The following CALY variants were observed in gnomAD, a reference collection of about 807,000 sequenced individuals.
CALY encodes the protein calcyon neuron specific vesicular protein.
Under a neutral mutation model 20.2 loss-of-function variants are expected in CALY, and 15 were observed. The observed-to-expected ratio is 0.74, with a 90% CI of 0.50 to 1.14. CALY has a LOEUF of 1.14. Ranked by LOEUF, CALY falls within the 50% of genes most tolerant of loss-of-function variation. The probability of loss-of-function intolerance (pLI) is 0.00; values close to 1 mark genes in which losing one functional copy is unlikely to be tolerated. For missense variants in CALY, 270 were observed against 304.4 expected, an observed-to-expected ratio of 0.89 and a Z score of 0.84; for synonymous variants, 129 against 131.8, an observed-to-expected ratio of 0.98 and a Z score of 0.15.
chr10:133,331,617 C>T (rs933552511), intron 1 of CALY, among the ~76,000 whole-genome samples: 1 of 152,132 alleles, frequency 6.6e-6, no homozygotes, highest in Non-Finnish European at 1.5e-5. Flanking sequence ...GAAACACTGT[C>T]GACAGAGACC....
At chr10:133,330,759 A>G (rs1247255445) in intron 1 of CALY, among the ~76,000 whole-genome samples, 1 of 150,192 alleles carries the variant, frequency 6.7e-6, no homozygotes, top group African/African-American at 2.5e-5. Flanking sequence ...TTTACAGGGA[A>G]AGTAATGCAC....
chr10:133,324,285 CCTGG>C lies in CALY; in HGVS notation c.*1306_*1309del, dbSNP rs770296937. On this transcript the variant is annotated 3_prime_UTR_variant, in exon 6 of 6. Transcript: ENST00000252939. ...CATGGCCCTGCCTTCCCTGACCCCA[CCTGG>C]CTGGCTTCCAGCTCACCATGGCTTC... 16 of 453,550 alleles carry C rather than the reference CCTGG, an allele frequency of 3.5e-5. No homozygotes were observed. The highest frequency in any genetic ancestry group is 2.3e-4 in the South Asian group (15 of 64,312). 28.1% of individuals were successfully genotyped at this position (453,550 alleles called of 1,614,324 possible).
chr10:133,331,055 C>T (rs751586574), intron 1 of CALY, among the ~76,000 whole-genome samples: 10 of 152,180 alleles, frequency 6.6e-5, no homozygotes, highest in Non-Finnish European at 1.2e-4. Context: ...AATGAAAAAG[C>T]GTTATCTGAT....
chr10:133,326,352 C>A, intron 4 of CALY: 1 of 1,271,028 alleles, frequency 7.9e-7, no homozygotes, highest in Non-Finnish European at 1.1e-6. Flanking sequence ...GCGCAGACAC[C>A]AGTGGACCTG....
At chr10:133,333,593 C>G (rs1294908615) in intron 1 of CALY, among the ~76,000 whole-genome samples, 1 of 146,818 alleles carries the variant, frequency 6.8e-6, no homozygotes, top group East Asian at 2.1e-4. Flanking sequence ...TGGGAAGGGT[C>G]GGAGAGCGGA....
Position 133,324,294 on chromosome 10 carries a change from C to T in CALY, c.*1301G>A, listed in dbSNP as rs1185636672. The stretch of plus-strand genomic sequence containing the variant: ...GCCTTCCCTGACCCCACCTGGCTGG[C>T]TTCCAGCTCACCATGGCTTCCCTGG... On this transcript the variant is annotated 3_prime_UTR_variant, in exon 6 of 6. Coordinates refer to ENST00000252939, the MANE Select transcript of CALY (RefSeq NM_015722.4). 1 of 454,394 alleles carries T rather than the reference C, an allele frequency of 2.2e-6. No individual in the cohort carries two copies. Among genetic ancestry groups the T allele is most frequent in the Admixed American group, 2.4e-5 (1 of 42,498 alleles). 28.1% of individuals were successfully genotyped at this position (454,394 alleles called of 1,614,324 possible). A position where few individuals can be genotyped will look rare whatever the true frequency, so the allele number is the denominator to read the frequency against.
At chr10:133,335,153 G>A (rs1375052884) in intron 1 of CALY, among the ~76,000 whole-genome samples, 3 of 152,156 alleles carry the variant, frequency 2.0e-5, no homozygotes, top group Non-Finnish European at 2.9e-5. Flanking sequence ...GCCAGCGCCG[G>A]GGCTTGAGGT....
chr10:133,335,366 AC>A (rs917925410), intron 1 of CALY, among the ~76,000 whole-genome samples: 1 of 152,032 alleles, frequency 6.6e-6, no homozygotes, highest in African/African-American at 2.4e-5. Context: ...CTCCGCCCGA[AC>A]CCCCGCTCGG....
chr10:133,332,492 T>C (rs1848325709), intron 1 of CALY, among the ~76,000 whole-genome samples: 2 of 152,184 alleles, frequency 1.3e-5, no homozygotes, highest in Admixed American at 6.5e-5. Flanking sequence ...TAAAAGGAAA[T>C]ATTGATAAAA....
chr10:133,332,052 G>C (rs1392788076), intron 1 of CALY, among the ~76,000 whole-genome samples: 1 of 151,968 alleles, frequency 6.6e-6, no homozygotes, highest in Non-Finnish European at 1.5e-5. Context: ...CCTTGAACCT[G>C]GGAGGCAGAG....
In CALY at chr10:133,326,078, C is replaced by T; in HGVS notation, c.403G>A (p.Glu135Lys). 2.5e-6 allele frequency: 4 copies of T among 1,598,488 alleles called. No homozygotes were observed. The highest frequency in any genetic ancestry group is 3.4e-6 in the Non-Finnish European group (4 of 1,170,292). The change falls in exon 5 of 6, where the codon GAG (glutamate) becomes AAG (lysine). Residue 135 changes from glutamate (E) to lysine (K), a missense_variant. Transcript: ENST00000252939. ...CTGCGGTGGCGCTCGGGGTCCATCT[C>T]CGTGTAGTACATCTCCAGGGTCAGC... is the stretch of plus-strand genomic sequence containing the variant. Reference protein sequence around the residue: ...TPLTLEMYYTEMDPERHRSIL... With the variant: ...TPLTLEMYYTKMDPERHRSIL...
chr10:133,330,911 G>A (rs964919631), intron 1 of CALY, among the ~76,000 whole-genome samples: 3 of 152,128 alleles, frequency 2.0e-5, no homozygotes, highest in East Asian at 1.9e-4. Flanking sequence ...CCACTGCGAG[G>A]CCCCAAAGCT....
Position 133,329,392 on chromosome 10 carries a change from C to CTTTTTTTTTTTTTTTTTT in CALY, c.-20-384_-20-383insAAAAAAAAAAAAAAAAAA, listed in dbSNP as rs112012967. On this transcript the variant is annotated intron_variant, in intron 1 of 5. Coordinates refer to ENST00000252939, the MANE Select transcript of CALY (RefSeq NM_015722.4). The stretch of plus-strand genomic sequence containing the variant: ...TCTTATTCTCCTTCTTCTTCTTCTT[C>CTTTTTTTTTTTTTTTTTT]TTTTTTTTTTTTGAGACAGGATCTT... 9.2e-4 allele frequency among the ~76,000 whole-genome samples: 127 copies of CTTTTTTTTTTTTTTTTTT among 137,398 alleles called. 1 individual carries two copies. Among genetic ancestry groups the CTTTTTTTTTTTTTTTTTT allele is most frequent in the Middle Eastern group, 3.7e-3 (1 of 272 alleles). 90.1% of individuals were successfully genotyped at this position (137,398 alleles called of 152,430 possible). A position where few individuals can be genotyped will look rare whatever the true frequency, so the allele number is the denominator to read the frequency against.
intron 1 of CALY, among the ~76,000 whole-genome samples, chr10:133,331,436 T>A (rs1407455944): frequency 6.6e-6 from 1 of 152,218 alleles, no homozygotes. Flanking sequence ...TTGTTGGATT[T>A]AAGGTATTCA....
At chr10:133,331,607 G>C (rs1848310051) in intron 1 of CALY, among the ~76,000 whole-genome samples, 1 of 152,182 alleles carries the variant, frequency 6.6e-6, no homozygotes, top group Admixed American at 6.6e-5. Flanking sequence ...TGGAATCCAG[G>C]AAACACTGTC....
At chr10:133,333,286 A>AG (rs1303822299) in intron 1 of CALY, among the ~76,000 whole-genome samples, 3 of 17,608 alleles carry the variant, frequency 1.7e-4, no homozygotes, top group Non-Finnish European at 3.4e-4. Flanking sequence ...AGAAGGATTG[A>AG]GGGGGTGGGG....
At chr10:133,335,284 G>A (rs116007445) in intron 1 of CALY, among the ~76,000 whole-genome samples, 9,626 of 152,174 alleles carry the variant, frequency 0.063, 427 homozygotes, top group African/African-American at 0.12. Context: ...GCGGAGAAGG[G>A]GGCGCAGTCC....
intron 1 of CALY, among the ~76,000 whole-genome samples, chr10:133,333,132 A>G (rs1262269991): frequency 6.6e-6 from 1 of 151,878 alleles, no homozygotes; most frequent in Admixed American, 6.6e-5. Flanking sequence ...CCACGGGAAC[A>G]GGAGCAAGGG....
Position 133,325,968 on chromosome 10 carries a change from T to G in CALY, c.513A>C (p.Ala171=). Residue 171 remains alanine, a synonymous_variant, in exon 5 of 6, where the codon GCA becomes GCC. Coordinates refer to ENST00000252939, the MANE Select transcript of CALY (RefSeq NM_015722.4). Reference sequence around the variant, plus strand: ...TGGGCCCCTTGCGCTCCTCCTTGGCTGCGCGGTAGCCGTCCCCCCAGGCCG... The same window carrying G: ...TGGGCCCCTTGCGCTCCTCCTTGGCGGCGCGGTAGCCGTCCCCCCAGGCCG... ...TPAAWGDGYR[A]AKEERKGPTQ... The G allele has an allele frequency of 6.5e-7, 1 of 1,541,932 alleles. No individual in the cohort carries two copies. Among genetic ancestry groups the G allele is most frequent in the Non-Finnish European group, 8.8e-7 (1 of 1,142,288 alleles).
Sources: gnomAD v4.1 joint callset for allele counts (sites outside exome capture counted in the v4.1 genomes callset) on GRCh38, gnomAD v4.1.1 for gene constraint, MANE v1.5 for transcripts, NCBI Gene and HGNC (gene_info 2026-07-23, HGNC 2026-07-21) for gene names.